The following RFX5 variants were observed in gnomAD, a reference collection of about 807,000 sequenced individuals.
The protein encoded by RFX5 is DNA-binding protein RFX5.
Under a neutral mutation model 41.2 loss-of-function variants are expected in RFX5, and 30 were observed. The observed-to-expected ratio is 0.73, with a 90% CI of 0.54 to 0.99. RFX5 has a LOEUF of 0.99. Ranked by LOEUF, RFX5 falls within the 50% of genes least tolerant of loss-of-function variation. The pLI is 0.00. For synonymous variants in RFX5, 231 were observed against 291.8 expected (o/e 0.79, Z 2.12); for missense variants, 715 against 773.6 (o/e 0.92, Z 0.90).
In RFX5 at chr1:151,344,208, C is replaced by G. The variant is rs146781151; in HGVS notation, c.544G>C (p.Gly182Arg). 3 of 1,614,084 alleles carry G rather than the reference C, an allele frequency of 1.9e-6. No homozygotes were observed. In the African/African-American group the frequency reaches 4.0e-5, roughly 22 times the overall value. The part of the protein sequence containing the change: ...MPPLPGLDLK[G>R]SESPEMGPEV... Reference sequence around the variant, plus strand: ...GATTTGGTACTTACACTCTCAGAACCCTTTAGGTCAAGTCCAGGCAGGGGT... The same window carrying G: ...GATTTGGTACTTACACTCTCAGAACGCTTTAGGTCAAGTCCAGGCAGGGGT... Residue 182 changes from glycine to arginine, a missense_variant, in exon 8 of 11, where the codon GGT (glycine) becomes CGT (arginine). By Grantham distance (125) the Gly-to-Arg change is moderately radical (BLOSUM62 -2). Coordinates refer to ENST00000452671, the MANE Select transcript of RFX5 (RefSeq NM_001025603.2).
At position 151,341,660 on chromosome 1, in the gene RFX5, T is replaced by A; in HGVS notation, c.*526A>T. 1 of 239,658 alleles carries A rather than the reference T, an allele frequency of 4.2e-6. No homozygotes were observed. The highest frequency in any genetic ancestry group is 4.8e-5 in the South Asian group (1 of 20,894). The allele number at this position is 239,658 out of a possible 1,614,324, so 14.8% of individuals were successfully genotyped here. ...GATTGGACATAAATGGGGAAAAGTG[T>A]AATCTTAGGAATGCTGGCAGCCATT... On this transcript the variant is annotated 3_prime_UTR_variant, in exon 11 of 11. Coordinates refer to ENST00000452671, the MANE Select transcript of RFX5 (RefSeq NM_001025603.2).
At position 151,342,825 on chromosome 1, in the gene RFX5, C is replaced by T. The variant is rs1481898202; in HGVS notation, c.1212G>A (p.Gly404=). The part of the protein sequence containing the change: ...PGPGPGRAPP[G]GLTQPRGTEN... ...CTGTGCCCCGGGGCTGAGTGAGTCC[C>T]CCAGGTGGAGCTCGCCCAGGCCCAG... Residue 404 remains glycine, a synonymous_variant, in exon 11 of 11, where the codon GGG becomes GGA. Coordinates refer to ENST00000452671, the MANE Select transcript of RFX5 (RefSeq NM_001025603.2). 1 of 1,613,968 alleles carries T rather than the reference C, an allele frequency of 6.2e-7. No individual in the cohort carries two copies. Among genetic ancestry groups the T allele is most frequent in the Non-Finnish European group, 8.5e-7 (1 of 1,179,974 alleles).
intron 10 of RFX5, 42 bp from the exon 11 acceptor site, chr1:151,343,220 A>G: frequency 1.9e-6 from 3 of 1,610,782 alleles, no homozygotes; most frequent in Non-Finnish European, 2.5e-6. Flanking sequence ...GTGAAGAATG[A>G]GTATTGGGGG....
Position 151,342,587 on chromosome 1 carries a change from G to C in RFX5, c.1450C>G (p.Leu484Val). The C allele has an allele frequency of 6.2e-7, 1 of 1,614,196 alleles. No individual in the cohort carries two copies. The highest frequency in any genetic ancestry group is 2.2e-5 in the East Asian group (1 of 44,886). Residue 484 changes from leucine (L) to valine (V), a missense_variant, in exon 11 of 11, where the codon CTC becomes GTC. By Grantham distance (32) the Leu-to-Val change is conservative. Coordinates refer to ENST00000452671, the MANE Select transcript of RFX5 (RefSeq NM_001025603.2). Reference protein sequence around the residue: ...GGSGERNSTPLKSAAAMESAQ... With the variant: ...GGSGERNSTPVKSAAAMESAQ... ...GATTCCATGGCAGCTGCTGACTTGAGAGGGGTAGAATTCCTTTCCCCACTT... is the reference window on the plus strand; with the variant it reads ...GATTCCATGGCAGCTGCTGACTTGACAGGGGTAGAATTCCTTTCCCCACTT...
chr1:151,343,888 G>C lies in RFX5; in HGVS notation c.556-6C>G. ...ACTTCTGGGCCCATTTCTGGCTGAAGTGGGGAAGGACATGCCCAATCACAC... is the reference window on the plus strand; with the variant it reads ...ACTTCTGGGCCCATTTCTGGCTGAACTGGGGAAGGACATGCCCAATCACAC... On this transcript the variant is annotated splice_region_variant and splice_polypyrimidine_tract_variant and intron_variant, in intron 8 of 10. Transcript: ENST00000452671. 1 of 1,612,930 alleles carries C rather than the reference G, an allele frequency of 6.2e-7. No homozygotes were observed. Among genetic ancestry groups the C allele is most frequent in the East Asian group, 2.2e-5 (1 of 44,872 alleles).
rs1454729407 is a variant in RFX5, at chr1:151,344,749, T to C, written c.332A>G (p.Gln111Arg). 4 of 1,610,814 alleles carry C rather than the reference T, an allele frequency of 2.5e-6. No individual in the cohort carries two copies. The East Asian group carries it at 6.7e-5, about 27-fold the overall frequency. ...CCACCGATAGGCATCATAAACACTT[T>C]GCTTTGGCAGACAGGTGTCAGTGTG... ...EEHTDTCLPK[Q>R]SVYDAYRKYC... Residue 111 changes from glutamine (Q) to arginine (R), a missense_variant, in exon 6 of 11, where the codon CAA becomes CGA. Coordinates refer to ENST00000452671, the MANE Select transcript of RFX5 (RefSeq NM_001025603.2).
intron 8 of RFX5, 68 bp from the exon 9 acceptor site, chr1:151,343,950 A>G (rs949130460): frequency 1.2e-5 from 18 of 1,546,490 alleles, no homozygotes; most frequent in Non-Finnish European, 1.6e-5. Context: ...CTCTTGTCAG[A>G]GATCAAAGAC....
Position 151,341,535 on chromosome 1 carries a change from CCA to C in RFX5, c.*649_*650del, listed in dbSNP as rs1408109610. Reference sequence around the variant, plus strand: ...AAATTAGCATGTATCATCCTCCTGGCCACAGTGATTGGTCAGGGTGGACATGT... The same window carrying C: ...AAATTAGCATGTATCATCCTCCTGGCCAGTGATTGGTCAGGGTGGACATGT... On this transcript the variant is annotated 3_prime_UTR_variant, in exon 11 of 11. Coordinates refer to ENST00000452671, the MANE Select transcript of RFX5 (RefSeq NM_001025603.2). The C allele has an allele frequency of 6.0e-6, 1 of 165,730 alleles. No individual in the cohort carries two copies. The highest frequency in any genetic ancestry group is 1.3e-5 in the Non-Finnish European group (1 of 75,884). 10.3% of individuals were successfully genotyped at this position (165,730 alleles called of 1,614,324 possible).
intron 4 of RFX5, among the ~76,000 whole-genome samples, 161 bp downstream of exon 4, chr1:151,345,767 A>C (rs1365868974): frequency 1.3e-5 from 2 of 152,164 alleles, no homozygotes; most frequent in African/African-American, 2.4e-5. Flanking sequence ...AGTGAGAGGC[A>C]CAAAGTCAAA....
In RFX5 at chr1:151,346,539, C is replaced by A. The variant is rs915971887; in HGVS notation, c.-64G>T. On this transcript the variant is annotated 5_prime_UTR_variant, in exon 2 of 11. Coordinates refer to ENST00000452671, the MANE Select transcript of RFX5 (RefSeq NM_001025603.2). ...CATTACTTCGCCAGGCCCATATATG[C>A]CCAAAGAGATCTTTGCCATCTCCAT... 1 of 544,196 alleles carries A rather than the reference C, an allele frequency of 1.8e-6. No homozygotes were observed. Among genetic ancestry groups the A allele is most frequent in the Non-Finnish European group, 3.3e-6 (1 of 302,132 alleles). 33.7% of individuals were successfully genotyped at this position (544,196 alleles called of 1,614,324 possible). A position where few individuals can be genotyped will look rare whatever the true frequency, so the allele number is the denominator to read the frequency against.
intron 1 of RFX5, 125 bp from the exon 2 acceptor site, chr1:151,346,731 C>T: frequency 4.2e-6 from 1 of 237,528 alleles, no homozygotes; most frequent in South Asian, 4.9e-5. Context: ...ACAAAGTTCT[C>T]TAATTCTCAA....
Position 151,342,924 on chromosome 1 carries a change from G to A in RFX5, c.1113C>T (p.Ala371=), listed in dbSNP as rs377016578. 9 of 1,614,000 alleles carry A rather than the reference G, an allele frequency of 5.6e-6. No homozygotes were observed. Among genetic ancestry groups the A allele is most frequent in the African/African-American group, 4.0e-5 (3 of 74,908 alleles). ...KVATLPLSSR[A]GAPPAAVPII... is the part of the protein sequence containing the mutation. ...TGGGCACAGCTGCTGGGGGTGCCCCGGCCCTACTAGACAGAGGCAGTGTAG... is the reference window on the plus strand; with the variant it reads ...TGGGCACAGCTGCTGGGGGTGCCCCAGCCCTACTAGACAGAGGCAGTGTAG... Residue 371 remains alanine (A), a synonymous_variant, in exon 11 of 11, where the codon GCC becomes GCT. Coordinates refer to ENST00000452671, the MANE Select transcript of RFX5 (RefSeq NM_001025603.2).
At position 151,342,312 on chromosome 1, in the gene RFX5, C is replaced by A; in HGVS notation, c.1725G>T (p.Lys575Asn). 1 of 1,614,158 alleles carries A rather than the reference C, an allele frequency of 6.2e-7. No individual in the cohort carries two copies. Among genetic ancestry groups the A allele is most frequent in the Non-Finnish European group, 8.5e-7 (1 of 1,180,030 alleles). ...CTCCCTTTGCCAAAGGAAAAGCCTCCTTTTGGCTTCTGCTGCCCTTGATGA... is the reference window on the plus strand; with the variant it reads ...CTCCCTTTGCCAAAGGAAAAGCCTCATTTTGGCTTCTGCTGCCCTTGATGA... ...VSVIKGSRSQ[K>N]EAFPLAKGEV... is the part of the protein sequence containing the mutation. Residue 575 changes from lysine to asparagine, a missense_variant, in exon 11 of 11, where the codon AAG becomes AAT. By Grantham distance (94) the Lys-to-Asn change is moderately conservative. Transcript: ENST00000452671.
Position 151,341,301 on chromosome 1 carries a change from G to A in RFX5, c.*885C>T, listed in dbSNP as rs1650428965. 1 of 152,324 alleles carries A rather than the reference G, an allele frequency of 6.6e-6. No individual in the cohort carries two copies. Among genetic ancestry groups the A allele is most frequent in the Admixed American group, 6.5e-5 (1 of 15,268 alleles). 9.4% of individuals were successfully genotyped at this position (152,324 alleles called of 1,614,324 possible). A position where few individuals can be genotyped will look rare whatever the true frequency, so the allele number is the denominator to read the frequency against. ...ACTAGAAACGAGGAAAGAGGCTACA[G>A]CTTGTATTGAGGGAAATGCAAGACT... On this transcript the variant is annotated 3_prime_UTR_variant, in exon 11 of 11. Transcript: ENST00000452671.
rs780507159 is a variant in RFX5 at position 151,342,981 on chromosome 1, G to A, written c.1056C>T (p.Ala352=). The A allele has an allele frequency of 2.5e-6, 4 of 1,614,108 alleles. No individual in the cohort carries two copies. The Admixed American group carries it at 5.0e-5, about 20-fold the overall frequency. ...TCAGGGCACCTGAAGAAAGCCTGGGGGCCAGAATAGGTGGAGAGACTGGGA... is the reference window on the plus strand; with the variant it reads ...TCAGGGCACCTGAAGAAAGCCTGGGAGCCAGAATAGGTGGAGAGACTGGGA... The part of the protein sequence containing the change: ...PPIPVSPPIL[A]PRLSSGALKV... Residue 352 remains alanine (A), a synonymous_variant, in exon 11 of 11, where the codon GCC becomes GCT. Transcript: ENST00000452671.
At chr1:151,345,621 A>G (rs1389024308) in intron 4 of RFX5, among the ~76,000 whole-genome samples, 1 of 151,902 alleles carries the variant, frequency 6.6e-6, no homozygotes, top group Non-Finnish European at 1.5e-5. Context: ...CAAAAAAAAA[A>G]AAAAAAAAGA....
In RFX5 at chr1:151,344,514, A is replaced by T; in HGVS notation, c.376T>A (p.Cys126Ser). 6.2e-7 allele frequency: 1 copy of T among 1,614,192 alleles called. No individual in the cohort carries two copies. The highest frequency in any genetic ancestry group is 2.2e-5 in the East Asian group (1 of 44,888). ...TTGGCTGTGCTGAGTGGGCGGCAAC[A>T]GGCAAGACTCTCACAGTACTTCCTG... ...AYRKYCESLA[C>S]CRPLSTANFG... Residue 126 changes from cysteine to serine, a missense_variant, in exon 7 of 11, where the codon TGT (cysteine) becomes AGT (serine). Coordinates refer to ENST00000452671, the MANE Select transcript of RFX5 (RefSeq NM_001025603.2).
Position 151,341,761 on chromosome 1 carries a change from C to T in RFX5, c.*425G>A, listed in dbSNP as rs1183526263. The T allele has an allele frequency of 3.0e-6, 1 of 338,086 alleles. No individual in the cohort carries two copies. The highest frequency in any genetic ancestry group is 5.8e-6 in the Non-Finnish European group (1 of 173,592). 20.9% of individuals were successfully genotyped at this position (338,086 alleles called of 1,614,324 possible). On this transcript the variant is annotated 3_prime_UTR_variant, in exon 11 of 11. Coordinates refer to ENST00000452671, the MANE Select transcript of RFX5 (RefSeq NM_001025603.2). ...AGTCAGTCCGGTATTTAGAGACATA[C>T]TGAACTACTGGGTCAAGTCTTCACC...
Position 151,344,414 on chromosome 1 carries a change from T to C in RFX5, c.473+3A>G. On this transcript the variant is annotated splice_donor_region_variant and intron_variant, in intron 7 of 10. Transcript: ENST00000452671. ...CACCCCCAACCTCTCTAGTCAAGGA[T>C]ACTTGGACTGGCCCCGGCCACCAAG... 6.2e-7 allele frequency: 1 copy of C among 1,614,230 alleles called. No homozygotes were observed. Among genetic ancestry groups the C allele is most frequent in the Non-Finnish European group, 8.5e-7 (1 of 1,180,042 alleles).
Sources: allele counts gnomAD v4.1 joint callset (sites outside exome capture counted in the v4.1 genomes callset), GRCh38; gene constraint gnomAD v4.1.1; transcripts MANE v1.5; gene names NCBI Gene and HGNC (gene_info 2026-07-23, HGNC 2026-07-21).